ASTN2: variants seen among roughly 807,000 people sequenced by gnomAD.
ASTN2 encodes the protein astrotactin-2.
Under a neutral mutation model 139.8 loss-of-function variants are expected in ASTN2, and 54 were observed. The ratio of observed to expected loss-of-function variants is 0.39; its 90% CI spans 0.31 to 0.48. The LOEUF is 0.48. ASTN2 is among the 20% of genes least tolerant of loss of function. The pLI, the probability that ASTN2 is intolerant of heterozygous loss-of-function variation, is 0.95. For synonymous variants in ASTN2, 756 were observed against 719.5 expected, an observed-to-expected ratio of 1.05 and a Z score of -0.81; for missense variants, 1,565 against 1,725.1, an observed-to-expected ratio of 0.91 and a Z score of 1.64.
At chr9:117,033,205 A>G (rs1838296485) in intron 6 of ASTN2, among the ~76,000 whole-genome samples, 1 of 152,134 alleles carries the variant, frequency 6.6e-6, no homozygotes, top group Non-Finnish European at 1.5e-5. Flanking sequence ...CCAAAACAAA[A>G]TATCATGATT....
At chr9:116,810,693 G>A (rs545381543) in intron 12 of ASTN2, among the ~76,000 whole-genome samples, 14 of 152,146 alleles carry the variant, frequency 9.2e-5, no homozygotes, top group African/African-American at 2.9e-4. Flanking sequence ...GCTCAGTTTG[G>A]GTATTAGGAT....
intron 10 of ASTN2, among the ~76,000 whole-genome samples, chr9:116,914,247 G>C (rs147727183): frequency 1.3e-5 from 2 of 152,094 alleles, no homozygotes; most frequent in South Asian, 2.1e-4. Flanking sequence ...AGTGCAGGCT[G>C]TTACTGACTA....
At chr9:116,871,158 T>C (rs1833155025) in intron 10 of ASTN2, among the ~76,000 whole-genome samples, 1 of 152,044 alleles carries the variant, frequency 6.6e-6, no homozygotes, top group Non-Finnish European at 1.5e-5. Flanking sequence ...CTCAGGAAGC[T>C]GAGGCAGGAG....
Position 116,424,307 on chromosome 9 carries a change from C to T in ASTN2, c.*1544G>A, listed in dbSNP as rs372062950. ...CTTCATGGAAAATGACAATGGCACC[C>T]CTCTCTTTGGGGCCTTCTCCAATCC... On this transcript the variant is annotated 3_prime_UTR_variant, in exon 23 of 23. Transcript: ENST00000313400. 1.3e-5 allele frequency among the ~76,000 whole-genome samples: 2 copies of T among 152,174 alleles called. No individual in the cohort carries two copies. Among genetic ancestry groups the T allele is most frequent in the African/African-American group, 2.4e-5 (1 of 41,432 alleles).
Position 117,414,633 on chromosome 9 carries a change from G to T in ASTN2, c.306C>A (p.Ala102=). The change falls in exon 1 of 23, where the codon GCC becomes GCA. Residue 102 remains alanine (A), a synonymous_variant. Coordinates refer to ENST00000313400, the MANE Select transcript of ASTN2 (RefSeq NM_001365068.1). The surrounding 1 kb of genome is among the most constrained non-coding windows in gnomAD (Gnocchi z 4.2). Reference sequence around the variant, plus strand: ...CAGAGCCAGGAGAGCCCGGGGACGCGGCGGCGGCGGCGGCTCCGGCCCCGG... The same window carrying T: ...CAGAGCCAGGAGAGCCCGGGGACGCTGCGGCGGCGGCGGCTCCGGCCCCGG... ...AGTGAGAAAA[A]ASPGSPGSAG... 1 of 1,329,664 alleles carries T rather than the reference G, an allele frequency of 7.5e-7. No homozygotes were observed. Among genetic ancestry groups the T allele is most frequent in the Non-Finnish European group, 9.6e-7 (1 of 1,040,248 alleles). 82.4% of individuals were successfully genotyped at this position (1,329,664 alleles called of 1,614,324 possible).
chr9:117,222,884 A>G (rs1396997367), intron 2 of ASTN2, among the ~76,000 whole-genome samples: 1 of 152,096 alleles, frequency 6.6e-6, no homozygotes, highest in Non-Finnish European at 1.5e-5. Context: ...TACAGATGAA[A>G]AAAAAAAGGA....
intron 22 of ASTN2, among the ~76,000 whole-genome samples, chr9:116,436,326 G>A (rs1384758261): frequency 6.6e-6 from 1 of 152,118 alleles, no homozygotes; most frequent in Non-Finnish European, 1.5e-5. Context: ...GGATTGGGTG[G>A]GGTGGAGGGG....
At chr9:116,758,314 C>T (rs1343006286) in intron 13 of ASTN2, among the ~76,000 whole-genome samples, 1 of 152,162 alleles carries the variant, frequency 6.6e-6, no homozygotes, top group Non-Finnish European at 1.5e-5. Flanking sequence ...TAACTTGGAG[C>T]TCCTTCTTTC....
At chr9:116,683,540 T>C (rs1389795011) in intron 16 of ASTN2, among the ~76,000 whole-genome samples, 1 of 152,194 alleles carries the variant, frequency 6.6e-6, no homozygotes, top group Non-Finnish European at 1.5e-5. Context: ...AGTGCAGGTC[T>C]CAGATAACTT....
At chr9:117,224,405 TTGATA>T in intron 2 of ASTN2, among the ~76,000 whole-genome samples, 1 of 152,162 alleles carries the variant, frequency 6.6e-6, no homozygotes, top group Non-Finnish European at 1.5e-5. Flanking sequence ...AAAAAAAAAT[TTGATA>T]CAAAGTAGTG....
chr9:117,116,816 G>A (rs1829404494), intron 4 of ASTN2, among the ~76,000 whole-genome samples: 1 of 107,228 alleles, frequency 9.3e-6, no homozygotes, highest in South Asian at 3.2e-4. Flanking sequence ...GGGGTTTTGA[G>A]GCAGTTCTGG....
intron 10 of ASTN2, among the ~76,000 whole-genome samples, chr9:116,937,515 G>T (rs1588425764): frequency 6.6e-6 from 1 of 152,064 alleles, no homozygotes; most frequent in East Asian, 1.9e-4. Flanking sequence ...CTCTACCAAG[G>T]CCAGGGACTT....
chr9:117,100,130 G>T (rs996595406), intron 4 of ASTN2, among the ~76,000 whole-genome samples: 1 of 152,178 alleles, frequency 6.6e-6, no homozygotes, highest in Admixed American at 6.5e-5. Context: ...CTCTAATCAG[G>T]CTTAGCAAGA....
intron 19 of ASTN2, among the ~76,000 whole-genome samples, chr9:116,548,501 T>C (rs544545512): frequency 3.9e-4 from 59 of 152,280 alleles, no homozygotes; most frequent in Middle Eastern, 3.4e-3. Context: ...AGACTGAGTT[T>C]CACTCTTGTT....
intron 5 of ASTN2, among the ~76,000 whole-genome samples, chr9:117,045,546 A>C (rs1229338571): frequency 6.6e-6 from 1 of 152,170 alleles, no homozygotes; most frequent in Non-Finnish European, 1.5e-5. Context: ...ATGGCATAAA[A>C]TGCATTGCTT....
At position 116,425,161 on chromosome 9, in the gene ASTN2, CAATAAGTG is replaced by C. The variant is rs1184038685; in HGVS notation, c.*682_*689del. The C allele has an allele frequency of 4.6e-6, 1 of 218,124 alleles. No homozygotes were observed. 13.5% of individuals were successfully genotyped at this position (218,124 alleles called of 1,614,324 possible). A position where few individuals can be genotyped will look rare whatever the true frequency, so the allele number is the denominator to read the frequency against. On this transcript the variant is annotated 3_prime_UTR_variant, in exon 23 of 23. Coordinates refer to ENST00000313400, the MANE Select transcript of ASTN2 (RefSeq NM_001365068.1). ...CTGTGACTGGCACAGGGTAGATACT[CAATAAGTG>C]AATAAACAGAGGTCTCTCAAGCACA...
chr9:117,317,301 C>T (rs1252748838), intron 1 of ASTN2, among the ~76,000 whole-genome samples: 1 of 152,154 alleles, frequency 6.6e-6, no homozygotes, highest in Non-Finnish European at 1.5e-5. Context: ...CCGTGTTTCT[C>T]ATCAGCTCAC....
At chr9:117,204,368 A>G (rs1831841384) in intron 3 of ASTN2, among the ~76,000 whole-genome samples, 1 of 152,170 alleles carries the variant, frequency 6.6e-6, no homozygotes, top group Non-Finnish European at 1.5e-5. Context: ...GCCTTGATTT[A>G]TCTTGATTGA....
chr9:116,713,186 A>G (rs1367340988), intron 16 of ASTN2, among the ~76,000 whole-genome samples: 1 of 152,210 alleles, frequency 6.6e-6, no homozygotes, highest in African/African-American at 2.4e-5. Context: ...TTGTTAAATT[A>G]AGGATCTTTC....
Sources: gnomAD v4.1 joint callset for allele counts (sites outside exome capture counted in the v4.1 genomes callset) on GRCh38, gnomAD v4.1.1 for gene constraint, Gnocchi (gnomAD v3.1) non-coding constraint, MANE v1.5 for transcripts, NCBI Gene and HGNC (gene_info 2026-07-23, HGNC 2026-07-21) for gene names.